The following INTS6 variants were observed in gnomAD, a reference collection of about 807,000 sequenced individuals.
INTS6 encodes DEAD box protein.
In INTS6, 16 loss-of-function variants were observed where a neutral mutation model predicts 104.9. The ratio of observed to expected loss-of-function variants is 0.15; its 90% CI spans 0.10 to 0.23. INTS6 has a LOEUF of 0.23. Among genes scored for constraint, INTS6 ranks in the 10% least tolerant of loss-of-function variants. The probability of loss-of-function intolerance (pLI) is 1.00; values close to 1 mark genes in which losing one functional copy is unlikely to be tolerated. For synonymous variants in INTS6, 324 were observed against 358.7 expected, an observed-to-expected ratio of 0.90 and a Z score of 1.09; for missense variants, 584 against 1,062.8, an observed-to-expected ratio of 0.55 and a Z score of 6.26.
At chr13:51,450,429 G>A (rs1454511900) in intron 3 of INTS6, 2 of 985,158 alleles carry the variant, frequency 2.0e-6, no homozygotes, top group Non-Finnish European at 1.2e-6. Context: ...TTTTTCCAAG[G>A]GTTTGGAGTT....
chr13:51,450,702 T>C, intron 3 of INTS6: 1 of 1,009,948 alleles, frequency 9.9e-7, no homozygotes, highest in Non-Finnish European at 1.2e-6. Flanking sequence ...TAGTTGCACA[T>C]ACAACATGAG....
chr13:51,444,984 A>G (rs1379281359), intron 3 of INTS6: 1 of 152,160 alleles, frequency 6.6e-6, no homozygotes, highest in Non-Finnish European at 1.5e-5. Flanking sequence ...GAAATAAATC[A>G]TATCCATTTT....
chr13:51,369,553 C>T (rs906999915), intron 15 of INTS6, among the ~76,000 whole-genome samples: 2 of 152,116 alleles, frequency 1.3e-5, no homozygotes, highest in Non-Finnish European at 2.9e-5. Context: ...AAGCCAATTT[C>T]AAGTAGTTTT....
the INTS6 span, among the ~76,000 whole-genome samples, chr13:51,340,523 T>C: frequency 6.6e-6 from 1 of 152,196 alleles, no homozygotes; most frequent in Non-Finnish European, 1.5e-5. Context: ...CACTGTTTCT[T>C]TCCCCATACA....
At chr13:51,354,513 C>A (rs138212282) in intron 3 of INTS6, among the ~76,000 whole-genome samples, 1 of 151,210 alleles carries the variant, frequency 6.6e-6, no homozygotes, top group African/African-American at 2.4e-5. Flanking sequence ...CCCAGCTACT[C>A]GGGAAGCTAA....
At chr13:51,445,646 T>C (rs549073817) in intron 3 of INTS6, 1 of 152,358 alleles carries the variant, frequency 6.6e-6, no homozygotes, top group Admixed American at 6.5e-5. Flanking sequence ...CAATGTTACA[T>C]AATAATTCAA....
At chr13:51,394,992 T>C (rs1304452503) in intron 5 of INTS6, among the ~76,000 whole-genome samples, 1 of 152,220 alleles carries the variant, frequency 6.6e-6, no homozygotes, top group East Asian at 1.9e-4. Flanking sequence ...AATAATGCTA[T>C]GGTACTTCTA....
intron 4 of INTS6, among the ~76,000 whole-genome samples, chr13:51,424,888 G>A (rs1956959720): frequency 6.6e-6 from 1 of 151,956 alleles, no homozygotes; most frequent in African/African-American, 2.4e-5. Flanking sequence ...TCAAAAAAGA[G>A]AAAGTTCTCC....
chr13:51,429,318 C>T (rs1245506374), intron 4 of INTS6, among the ~76,000 whole-genome samples: 1 of 152,092 alleles, frequency 6.6e-6, no homozygotes, highest in African/African-American at 2.4e-5. Flanking sequence ...TCCATCAAAA[C>T]AATCACCTTT....
At chr13:51,349,449 T>G, downstream of INTS6, among the ~76,000 whole-genome samples, 1 of 152,136 alleles carries the variant, frequency 6.6e-6, no homozygotes, top group Non-Finnish European at 1.5e-5. Context: ...TTTCAACAGA[T>G]CTCTCAGGGA....
chr13:51,414,277 A>C (rs1466483778), intron 4 of INTS6, among the ~76,000 whole-genome samples: 2 of 152,218 alleles, frequency 1.3e-5, no homozygotes, highest in African/African-American at 4.8e-5. Context: ...TACCAGTTCT[A>C]TCTTTGATGT....
At chr13:51,397,424 C>T (rs1394933912) in intron 4 of INTS6, among the ~76,000 whole-genome samples, 2 of 152,108 alleles carry the variant, frequency 1.3e-5, no homozygotes, top group African/African-American at 2.4e-5. Flanking sequence ...TTCTCTGGCA[C>T]GTAAGGCAGA....
At chr13:51,347,112 C>T in the INTS6 span, 1 of 1,612,392 alleles carries the variant, frequency 6.2e-7, no homozygotes, top group Non-Finnish European at 8.5e-7. Flanking sequence ...AGCACCATGT[C>T]CTTCCAAGGC....
chr13:51,387,572 T>C (rs201691616), intron 6 of INTS6, 32 bp from the exon 7 acceptor site: 565 of 1,572,200 alleles, frequency 3.6e-4, no homozygotes, highest in Non-Finnish European at 4.7e-4. Flanking sequence ...AAAGAAAGCA[T>C]ATATCATAAG....
chr13:51,447,987 G>A (rs1251815650), intron 3 of INTS6: 3 of 152,180 alleles, frequency 2.0e-5, no homozygotes, highest in Admixed American at 6.5e-5. Flanking sequence ...GAACCCAGGA[G>A]GAGGAGGCTG....
chr13:51,375,159 C>T (rs534361765), intron 13 of INTS6, among the ~76,000 whole-genome samples: 1 of 152,024 alleles, frequency 6.6e-6, no homozygotes, highest in South Asian at 2.1e-4. Flanking sequence ...ATGAGACCAG[C>T]CTGGCCAACA....
chr13:51,350,352 A>G (rs1955392609), downstream of INTS6, among the ~76,000 whole-genome samples: 1 of 152,226 alleles, frequency 6.6e-6, no homozygotes, highest in African/African-American at 2.4e-5. Context: ...GGAATAATCA[A>G]GAAAACCAAG....
the INTS6 span, chr13:51,346,995 C>G: frequency 6.6e-7 from 1 of 1,518,440 alleles, no homozygotes; most frequent in Non-Finnish European, 9.0e-7. Context: ...GCACATTTAA[C>G]CCATGGCCAC....
downstream of INTS6, among the ~76,000 whole-genome samples, chr13:51,349,628 T>C (rs1310682200): frequency 1.3e-5 from 2 of 152,180 alleles, no homozygotes; most frequent in East Asian, 3.9e-4. Context: ...CCTCGAGCAG[T>C]TCTTCCCTGG....
Sources: allele counts gnomAD v4.1 joint callset (sites outside exome capture counted in the v4.1 genomes callset), GRCh38; gene constraint gnomAD v4.1.1; transcripts MANE v1.5; gene names NCBI Gene and HGNC (gene_info 2026-07-23, HGNC 2026-07-21).